PPP6R3: variants seen among roughly 807,000 people sequenced by gnomAD.
PPP6R3 encodes serine/threonine-protein phosphatase 6 regulatory subunit 3.
In PPP6R3, 38 loss-of-function variants were observed where a neutral mutation model predicts 110.7. The observed-to-expected ratio is 0.34, with a 90% CI of 0.26 to 0.45. PPP6R3 has a LOEUF of 0.45. PPP6R3 is among the 20% of genes least tolerant of loss of function. PPP6R3 has a pLI of 1.00. For missense variants in PPP6R3, 870 were observed against 1,062.4 expected (o/e 0.82, Z 2.52); for synonymous variants, 369 against 373.5 (o/e 0.99, Z 0.14).
chr11:68,493,928 C>T (rs753216664), intron 1 of PPP6R3, among the ~76,000 whole-genome samples: 1 of 149,966 alleles, frequency 6.7e-6, no homozygotes, highest in Non-Finnish European at 1.5e-5. Context: ...CGGTATAACC[C>T]CCTCTCTACT....
At chr11:68,612,965 TTAAAA>T in intron 23 of PPP6R3, 96 bp from the exon 24 acceptor site, 1 of 1,570,828 alleles carries the variant, frequency 6.4e-7, no homozygotes, top group Non-Finnish European at 8.6e-7. Flanking sequence ...CAAAACAATG[TTAAAA>T]TAAGTTGTCC....
chr11:68,461,298 C>T (rs1197874279), intron 1 of PPP6R3, among the ~76,000 whole-genome samples: 1 of 152,094 alleles, frequency 6.6e-6, no homozygotes, highest in African/African-American at 2.4e-5. Flanking sequence ...CGTCAAGAGT[C>T]GCGAAGACCA....
Position 68,588,956 on chromosome 11 carries a change from C to G in PPP6R3, c.1730+932C>G, listed in dbSNP as rs568953306. ...GCATAGTGGCTCACACCTATAATCCCAGCACTTTGGGAGGCCGAGCCGGGC... is the reference window on the plus strand; with the variant it reads ...GCATAGTGGCTCACACCTATAATCCGAGCACTTTGGGAGGCCGAGCCGGGC... On this transcript the variant is annotated intron_variant, in intron 16 of 23. Coordinates refer to ENST00000393800, the MANE Select transcript of PPP6R3 (RefSeq NM_001164161.2). Among the ~76,000 whole-genome samples the G allele has an allele frequency of 5.4e-4, 82 of 152,098 alleles. 1 individual carries two copies. In the East Asian group the frequency reaches 0.014, roughly 26 times the overall value.
intron 2 of PPP6R3, among the ~76,000 whole-genome samples, chr11:68,536,765 G>C (rs1363137239): frequency 1.3e-5 from 2 of 152,188 alleles, no homozygotes; most frequent in Non-Finnish European, 2.9e-5. Context: ...CAGAGAGTCA[G>C]TATGTATTAA....
chr11:68,520,653 G>T (rs79564316), intron 2 of PPP6R3, among the ~76,000 whole-genome samples: 1 of 152,122 alleles, frequency 6.6e-6, no homozygotes, highest in Non-Finnish European at 1.5e-5. Context: ...TCAGATTCTC[G>T]TACACGACTT....
intron 9 of PPP6R3, among the ~76,000 whole-genome samples, chr11:68,565,533 TAGAAG>T (rs1393125530): frequency 1.3e-5 from 2 of 151,858 alleles, no homozygotes; most frequent in Non-Finnish European, 2.9e-5. Flanking sequence ...AGAAAAGATT[TAGAAG>T]AGGAGAGAAC....
At chr11:68,502,787 G>T (rs1300961167) in intron 1 of PPP6R3, among the ~76,000 whole-genome samples, 1 of 152,208 alleles carries the variant, frequency 6.6e-6, no homozygotes, top group Admixed American at 6.5e-5. Context: ...GCTTGTGATG[G>T]AGAGCAAAAG....
chr11:68,563,757 C>G (rs2099440564), intron 8 of PPP6R3, among the ~76,000 whole-genome samples: 1 of 152,188 alleles, frequency 6.6e-6, no homozygotes, highest in African/African-American at 2.4e-5. Context: ...GAATTCTTAT[C>G]CTTGAGTATT....
intron 23 of PPP6R3, among the ~76,000 whole-genome samples, chr11:68,610,864 C>T (rs1156977681): frequency 6.6e-5 from 10 of 151,502 alleles, no homozygotes; most frequent in Non-Finnish European, 1.3e-4. Flanking sequence ...CATCCTCCCC[C>T]AAATCTTGCC....
At chr11:68,485,172 A>G (rs571062005) in intron 1 of PPP6R3, among the ~76,000 whole-genome samples, 1 of 151,830 alleles carries the variant, frequency 6.6e-6, no homozygotes, top group South Asian at 2.1e-4. Context: ...TTTTATTTTC[A>G]AATTCCACTT....
rs375214639 is a variant in PPP6R3, at chr11:68,601,737, C to T, written c.2193-126C>T. On this transcript the variant is annotated intron_variant, in intron 20 of 23. Coordinates refer to ENST00000393800, the MANE Select transcript of PPP6R3 (RefSeq NM_001164161.2). ...CCATGTGTCACTGGAGTTTGTAACC[C>T]AGTGACTCTTACACAGATGCTAATG... 9.1e-5 allele frequency: 63 copies of T among 692,946 alleles called. 1 individual carries two copies. Among genetic ancestry groups the T allele is most frequent in the East Asian group, 7.1e-4 (26 of 36,528 alleles). The allele number at this position is 692,946 out of a possible 1,614,324, so 42.9% of individuals were successfully genotyped here. A position where few individuals can be genotyped will look rare whatever the true frequency, so the allele number is the denominator to read the frequency against.
At chr11:68,517,182 A>C (rs1303402778) in intron 1 of PPP6R3, among the ~76,000 whole-genome samples, 1 of 150,848 alleles carries the variant, frequency 6.6e-6, no homozygotes, top group Non-Finnish European at 1.5e-5. Flanking sequence ...TTAGGCTTTC[A>C]ATTTTCTTTC....
At chr11:68,475,628 TG>T (rs1467646940) in intron 1 of PPP6R3, among the ~76,000 whole-genome samples, 1 of 89,870 alleles carries the variant, frequency 1.1e-5, no homozygotes, top group Non-Finnish European at 2.3e-5. Flanking sequence ...GCTGGCCGGG[TG>T]GGGGCTGCCC....
chr11:68,516,857 C>A (rs1034309294), intron 1 of PPP6R3, among the ~76,000 whole-genome samples: 1 of 152,022 alleles, frequency 6.6e-6, no homozygotes, highest in African/African-American at 2.4e-5. Flanking sequence ...CTTATTGACA[C>A]TTATTTCCTG....
In PPP6R3 at chr11:68,609,974, G is replaced by A. The variant is rs1942531959; in HGVS notation, c.2521G>A (p.Glu841Lys). 1 of 1,614,066 alleles carries A rather than the reference G, an allele frequency of 6.2e-7. No individual in the cohort carries two copies. The highest frequency in any genetic ancestry group is 1.7e-5 in the Admixed American group (1 of 60,002). The change falls in exon 23 of 24, where the codon GAG (glutamate) becomes AAG (lysine). Residue 841 changes from glutamate to lysine, a missense_variant. By Grantham distance (56) the Glu-to-Lys change is moderately conservative. Transcript: ENST00000393800. The part of the protein sequence containing the change: ...KDAEECPETA[E>K]AKCAAPRPPS... ...CGCAGAGGAGTGTCCCGAGACTGCA[G>A]AGGCGAAGTGCGCGGCGCCCAGGCC...
At chr11:68,509,505 A>AT (rs2099097005) in intron 1 of PPP6R3, among the ~76,000 whole-genome samples, 1 of 119,350 alleles carries the variant, frequency 8.4e-6, no homozygotes, top group Non-Finnish European at 1.8e-5. Flanking sequence ...GTCCTGCTTA[A>AT]TTTTTTCTGT....
chr11:68,554,323 A>G, intron 7 of PPP6R3, 66 bp downstream of exon 7: 1 of 1,257,410 alleles, frequency 8.0e-7, no homozygotes, highest in Admixed American at 2.0e-5. Flanking sequence ...TACCATTGTG[A>G]GTGATTGGTA....
At chr11:68,497,578 CTCCTGGGCTCAAAT>C (rs1369424665) in intron 1 of PPP6R3, among the ~76,000 whole-genome samples, 2 of 151,928 alleles carry the variant, frequency 1.3e-5, no homozygotes, top group African/African-American at 2.4e-5. Flanking sequence ...TGGTCTCAAA[CTCCTGGGCTCAAAT>C]GGTCTGCCTG....
intron 1 of PPP6R3, among the ~76,000 whole-genome samples, chr11:68,518,270 C>T (rs2099146817): frequency 6.6e-6 from 1 of 152,174 alleles, no homozygotes; most frequent in African/African-American, 2.4e-5. Flanking sequence ...TTGAAATTAT[C>T]ACCAATAATG....
Sources: allele counts gnomAD v4.1 joint callset (sites outside exome capture counted in the v4.1 genomes callset), GRCh38; gene constraint gnomAD v4.1.1; transcripts MANE v1.5; gene names NCBI Gene and HGNC (gene_info 2026-07-23, HGNC 2026-07-21).